Variants in HDAC9 observed in about 807,000 individuals in gnomAD.
HDAC9 encodes MEF-2 interacting transcription repressor (MITR) protein.
Under a neutral mutation model 139.4 loss-of-function variants are expected in HDAC9, and 41 were observed. That is an observed-to-expected ratio of 0.29 (90% CI 0.23 to 0.38). The LOEUF is 0.38. HDAC9 is among the 10% of genes least tolerant of loss of function. The pLI is 1.00. For synonymous variants in HDAC9, 517 were observed against 476.2 expected, an observed-to-expected ratio of 1.09 and a Z score of -1.12; for missense variants, 1,147 against 1,297.0, an observed-to-expected ratio of 0.88 and a Z score of 1.78.
At chr7:18,651,381 T>A (rs373421281) in intron 11 of HDAC9, among the ~76,000 whole-genome samples, 1 of 152,306 alleles carries the variant, frequency 6.6e-6, no homozygotes, top group East Asian at 1.9e-4. Context: ...TATTTAAATA[T>A]ATCTTCTTTT....
At chr7:18,413,107 G>A (rs569702436) in intron 1 of HDAC9, among the ~76,000 whole-genome samples, 1 of 152,210 alleles carries the variant, frequency 6.6e-6, no homozygotes, top group South Asian at 2.1e-4. Context: ...ATTAGTTTTA[G>A]CTACCAACTA....
chr7:18,330,617 A>C (rs1479050105), intron 1 of HDAC9, among the ~76,000 whole-genome samples: 1 of 151,530 alleles, frequency 6.6e-6, no homozygotes, highest in Non-Finnish European at 1.5e-5. Context: ...AAACAACCAA[A>C]AACTATTTCC....
intron 24 of HDAC9, among the ~76,000 whole-genome samples, chr7:18,964,514 T>C (rs1783724777): frequency 6.6e-6 from 1 of 152,212 alleles, no homozygotes; most frequent in Non-Finnish European, 1.5e-5. Flanking sequence ...ATCAGAATGC[T>C]TGGTAGGTAA....
intron 7 of HDAC9, among the ~76,000 whole-genome samples, chr7:18,631,658 C>T (rs989295192): frequency 2.0e-5 from 3 of 151,828 alleles, no homozygotes; most frequent in Admixed American, 2.0e-4. Flanking sequence ...ACCCACTTGC[C>T]ATCTTTTTTT....
intron 1 of HDAC9, among the ~76,000 whole-genome samples, chr7:18,474,253 C>G (rs534346014): frequency 5.9e-5 from 9 of 152,286 alleles, no homozygotes; most frequent in African/African-American, 2.2e-4. Flanking sequence ...ATATGGAGTT[C>G]TTAGTACTAT....
chr7:18,648,810 G>C, intron 11 of HDAC9, 127 bp downstream of exon 11: 1 of 778,576 alleles, frequency 1.3e-6, no homozygotes, highest in Non-Finnish European at 2.1e-6. Flanking sequence ...ATCATCCTAA[G>C]CCTGCTTTCT....
chr7:18,653,039 C>T (rs1462969978), intron 11 of HDAC9, among the ~76,000 whole-genome samples: 1 of 151,960 alleles, frequency 6.6e-6, no homozygotes, highest in Non-Finnish European at 1.5e-5. Context: ...GAGTTCGAGA[C>T]CAGCCTGACC....
intron 17 of HDAC9, among the ~76,000 whole-genome samples, chr7:18,815,980 T>C (rs559691795): frequency 2.0e-4 from 30 of 152,378 alleles, no homozygotes; most frequent in African/African-American, 7.0e-4. Flanking sequence ...AGGTCTTTTG[T>C]AAGGCTGAAG....
In HDAC9 at chr7:18,646,031, A is replaced by G. The variant is rs529808777; in HGVS notation, c.1035+1238A>G. On this transcript the variant is annotated intron_variant, in intron 9 of 25. Transcript: ENST00000686413. ...ATACAGAATTCAGCTATGCTCTTAA[A>G]ATTCCACATGAAACATTTGTAAATG... Among the ~76,000 whole-genome samples the G allele has an allele frequency of 2.0e-3, 305 of 152,306 alleles. 5 individuals are homozygous for G. The highest frequency in any genetic ancestry group is 6.3e-4 in the Non-Finnish European group (43 of 68,014).
Position 18,638,234 on chromosome 7 carries a change from A to G in HDAC9, c.912+3492A>G, listed in dbSNP as rs376106427. Among the ~76,000 whole-genome samples the G allele has an allele frequency of 9.9e-5, 15 of 152,220 alleles. No individual in the cohort carries two copies. In the South Asian group the frequency reaches 1.9e-3, roughly 19 times the overall value. ...AAGCATGTCACCTAATTCAGAGCCC[A>G]TGTAAATGAATGGGATTCTATCCTA... On this transcript the variant is annotated intron_variant, in intron 8 of 25. Transcript: ENST00000686413.
intron 2 of HDAC9, among the ~76,000 whole-genome samples, chr7:18,204,130 T>A (rs1184325412): frequency 6.6e-6 from 1 of 152,124 alleles, no homozygotes. Flanking sequence ...TAAAAAAAAT[T>A]TAGTGACAGT....
At chr7:18,932,707 A>C (rs1408157037) in intron 22 of HDAC9, among the ~76,000 whole-genome samples, 1 of 152,060 alleles carries the variant, frequency 6.6e-6, no homozygotes, top group African/African-American at 2.4e-5. Context: ...ATAAAACATC[A>C]TATCTATCTT....
At chr7:18,088,275 G>A (rs1047475715) in intron 1 of HDAC9, among the ~76,000 whole-genome samples, 3 of 152,188 alleles carry the variant, frequency 2.0e-5, no homozygotes, top group Admixed American at 2.0e-4. Flanking sequence ...TACCAGAAAA[G>A]AAAGCGAAGA....
chr7:18,336,957 A>G lies in HDAC9; in HGVS notation c.-42+46442A>G, dbSNP rs201459174. On this transcript the variant is annotated intron_variant, in intron 1 of 3. Coordinates refer to the HDAC9 transcript ENST00000413509. ...TAATTACCAATTTAAAGAAGCGTAT[A>G]ATTAAAGTAAAATGAGCTCTGCTTG... Among the ~76,000 whole-genome samples, 28 of 151,756 alleles carry G rather than the reference A, an allele frequency of 1.8e-4. No individual in the cohort carries two copies. The East Asian group carries it at 4.9e-3, about 26-fold the overall frequency.
At chr7:18,285,718 G>C (rs573488946), upstream of HDAC9, among the ~76,000 whole-genome samples, 70 of 152,160 alleles carry the variant, frequency 4.6e-4, no homozygotes, top group African/African-American at 1.7e-3. Context: ...ATGTTTACTA[G>C]AGAAGACAGG....
intron 11 of HDAC9, among the ~76,000 whole-genome samples, chr7:18,659,455 T>C (rs971238154): frequency 6.6e-6 from 1 of 152,152 alleles, no homozygotes; most frequent in African/African-American, 2.4e-5. Flanking sequence ...TGAAGTTTAG[T>C]TGTAATCCTT....
intron 1 of HDAC9, among the ~76,000 whole-genome samples, chr7:18,473,956 G>A (rs1794920470): frequency 6.6e-6 from 1 of 152,324 alleles, no homozygotes; most frequent in African/African-American, 2.4e-5. Flanking sequence ...CACTTAGGGT[G>A]CAGGAATGAA....
chr7:18,169,223 C>G (rs1313412182), intron 2 of HDAC9, among the ~76,000 whole-genome samples: 1 of 152,080 alleles, frequency 6.6e-6, no homozygotes, highest in Non-Finnish European at 1.5e-5. Flanking sequence ...AGGTATGTGC[C>G]ACTGCACCCA....
At chr7:18,697,003 G>A (rs1041591433) in intron 12 of HDAC9, among the ~76,000 whole-genome samples, 14 of 151,954 alleles carry the variant, frequency 9.2e-5, no homozygotes, top group African/African-American at 2.9e-4. Flanking sequence ...AACTTATTAC[G>A]GAGAAATAAA....
Sources: gnomAD v4.1 joint callset for allele counts (sites outside exome capture counted in the v4.1 genomes callset) on GRCh38, gnomAD v4.1.1 for gene constraint, MANE v1.5 for transcripts, NCBI Gene and HGNC (gene_info 2026-07-23, HGNC 2026-07-21) for gene names.